Variants in DCAF8L2 observed in about 807,000 individuals in gnomAD.
DCAF8L2 encodes DDB1 and CUL4 associated factor 8 like 2.
For synonymous variants in DCAF8L2, 200 were observed against 190.9 expected, an observed-to-expected ratio of 1.05 and a Z score of -0.39; for missense variants, 430 against 490.7, an observed-to-expected ratio of 0.88 and a Z score of 1.17.
At chrX:27,672,453 C>T (rs1433001098) in intron 2 of DCAF8L2, among the ~76,000 whole-genome samples, 1 of 112,206 alleles carries the variant, frequency 8.9e-6, no homozygotes, top group South Asian at 3.7e-4. Flanking sequence ...CCTACACACT[C>T]CCAACATAAT....
the DCAF8L2 span, among the ~76,000 whole-genome samples, chrX:27,560,530 C>T: frequency 9.0e-6 from 1 of 111,651 alleles, no homozygotes; most frequent in Non-Finnish European, 1.9e-5. Flanking sequence ...ACTGATGTAA[C>T]GGTGATAGCT....
chrX:27,589,570 C>A (rs1460738605), upstream of DCAF8L2, among the ~76,000 whole-genome samples: 1 of 111,618 alleles, frequency 9.0e-6, no homozygotes, highest in East Asian at 2.8e-4. Flanking sequence ...CATGAAAGAT[C>A]AATTTACCAA....
Position 27,598,972 on chromosome X carries a change from A to AT in DCAF8L2, c.-342+8532_-342+8533insT, listed in dbSNP as rs1278710087. 7.0e-3 allele frequency among the ~76,000 whole-genome samples: 570 copies of AT among 81,032 alleles called. 3 individuals carry two copies. Among genetic ancestry groups the AT allele is most frequent in the Non-Finnish European group, 0.01 (433 of 41,702 alleles). 70.4% of individuals were successfully genotyped at this position (81,032 alleles called of 115,157 possible). On this transcript the variant is annotated intron_variant, in intron 1 of 4. Transcript: ENST00000451261. ...TAGGAAAGTTTCTCAAAAAAAAAAA[A>AT]AAATATATATATATATATATGATCC...
At chrX:27,543,596 G>A in the DCAF8L2 span, among the ~76,000 whole-genome samples, 2 of 111,623 alleles carry the variant, frequency 1.8e-5, no homozygotes, top group Non-Finnish European at 3.8e-5. Context: ...TCTTTGGAAT[G>A]GGGGTCTTAC....
the DCAF8L2 span, among the ~76,000 whole-genome samples, chrX:27,565,596 T>C: frequency 3.6e-5 from 4 of 111,538 alleles, no homozygotes; most frequent in Non-Finnish European, 7.5e-5. Flanking sequence ...CATTTTTCTG[T>C]TTTTTTGGAA....
At chrX:27,550,807 C>T in the DCAF8L2 span, among the ~76,000 whole-genome samples, 1 of 97,736 alleles carries the variant, frequency 1.0e-5, no homozygotes, top group Non-Finnish European at 2.1e-5. Flanking sequence ...TTTTATTGTG[C>T]TTTGCAGATG....
intron 4 of DCAF8L2, among the ~76,000 whole-genome samples, chrX:27,729,121 A>G (rs1297050184): frequency 8.9e-6 from 1 of 111,992 alleles, no homozygotes; most frequent in East Asian, 2.8e-4. Flanking sequence ...TAGGTGGAAT[A>G]TAAAGCTCCC....
intron 3 of DCAF8L2, among the ~76,000 whole-genome samples, chrX:27,685,667 C>T (rs765693771): frequency 4.5e-5 from 5 of 111,738 alleles, no homozygotes; most frequent in African/African-American, 6.5e-5. Context: ...GGACATTAGT[C>T]TGGGCAAATA....
the DCAF8L2 span, among the ~76,000 whole-genome samples, chrX:27,471,481 A>G: frequency 9.0e-6 from 1 of 111,221 alleles, no homozygotes. Flanking sequence ...ACTTTGTTCC[A>G]GCTCACTGTC....
At chrX:27,497,565 T>C in the DCAF8L2 span, among the ~76,000 whole-genome samples, 1,450 of 63,704 alleles carry the variant, frequency 0.023, 15 homozygotes, top group African/African-American at 0.047. Flanking sequence ...TCTTTCTTTC[T>C]TTCTTTCTTT....
At chrX:27,592,659 G>T (rs924913863) in intron 1 of DCAF8L2, among the ~76,000 whole-genome samples, 1 of 110,066 alleles carries the variant, frequency 9.1e-6, no homozygotes, top group Non-Finnish European at 1.9e-5. Flanking sequence ...GTATGGTCTC[G>T]ATCTCCTGAC....
intron 1 of DCAF8L2, among the ~76,000 whole-genome samples, chrX:27,617,742 T>C (rs1199774162): frequency 1.8e-5 from 2 of 111,590 alleles, no homozygotes; most frequent in Non-Finnish European, 3.8e-5. Flanking sequence ...GCTCACTTAT[T>C]AGATATTTTT....
At position 27,748,736 on chromosome X, in the gene DCAF8L2, C is replaced by T. The variant is rs1284770011; in HGVS notation, c.1841C>T (p.Thr614Ile). ...PDEESDESSS[T>I]SETSEEEVQD... ...GAAGAATCGGATGAGTCTTCCAGCACTTCAGAGACATCTGAGGAGGAGGTC... is the reference window on the plus strand; with the variant it reads ...GAAGAATCGGATGAGTCTTCCAGCATTTCAGAGACATCTGAGGAGGAGGTC... The change falls in exon 5 of 5, where the codon ACT becomes ATT. Residue 614 changes from threonine (T) to isoleucine (I), a missense_variant. Physicochemically the swap from Thr to Ile is moderately conservative, Grantham distance 89. Transcript: ENST00000451261. The T allele has an allele frequency of 8.3e-7, 1 of 1,204,032 alleles. No individual in the cohort carries two copies. The highest frequency in any genetic ancestry group is 1.1e-6 in the Non-Finnish European group (1 of 891,184).
At chrX:27,533,977 G>A in the DCAF8L2 span, among the ~76,000 whole-genome samples, 7 of 111,755 alleles carry the variant, frequency 6.3e-5, no homozygotes, top group Middle Eastern at 0.014. Flanking sequence ...GGGGGACCGA[G>A]GCAGGTGGAT....
the DCAF8L2 span, among the ~76,000 whole-genome samples, chrX:27,539,612 G>T: frequency 4.5e-5 from 5 of 111,811 alleles, no homozygotes; most frequent in Admixed American, 3.8e-4. Context: ...TTTATTTGAA[G>T]ATTAAATCAT....
chrX:27,724,589 T>C (rs1932008748), intron 4 of DCAF8L2, among the ~76,000 whole-genome samples: 1 of 111,272 alleles, frequency 9.0e-6, no homozygotes, highest in African/African-American at 3.2e-5. Context: ...GTTACCTGTA[T>C]ACTAACTTTA....
At chrX:27,579,926 G>T in the DCAF8L2 span, among the ~76,000 whole-genome samples, 1 of 108,084 alleles carries the variant, frequency 9.3e-6, no homozygotes, top group Non-Finnish European at 1.9e-5. Flanking sequence ...AAATAATATA[G>T]TTAATATTTC....
the DCAF8L2 span, among the ~76,000 whole-genome samples, chrX:27,488,534 T>C: frequency 2.8e-5 from 2 of 72,533 alleles, no homozygotes; most frequent in African/African-American, 1.6e-4. Context: ...TGTGTGTGTG[T>C]GTGTGTGTGT....
At chrX:27,717,648 G>A (rs1255129499) in intron 4 of DCAF8L2, among the ~76,000 whole-genome samples, 2 of 112,357 alleles carry the variant, frequency 1.8e-5, no homozygotes, top group East Asian at 2.8e-4. Context: ...CAGGTGGACA[G>A]ATTGCAAAGA....
Sources: gnomAD v4.1 joint callset for allele counts (sites outside exome capture counted in the v4.1 genomes callset) on GRCh38, gnomAD v4.1.1 for gene constraint, MANE v1.5 for transcripts, NCBI Gene and HGNC (gene_info 2026-07-23, HGNC 2026-07-21) for gene names.